The following MAL2 variants were observed in gnomAD, a reference collection of about 807,000 sequenced individuals.
The protein encoded by MAL2 is protein MAL2.
Under a neutral mutation model 18.1 loss-of-function variants are expected in MAL2, and 17 were observed. The ratio of observed to expected loss-of-function variants is 0.94; its 90% CI spans 0.64 to 1.41. The LOEUF (loss-of-function observed/expected upper bound fraction) is 1.41, where lower values mean the gene tolerates loss of function less well. Ranked by LOEUF, MAL2 falls within the 40% of genes most tolerant of loss-of-function variation. The probability of loss-of-function intolerance (pLI) is 0.00; values close to 1 mark genes in which losing one functional copy is unlikely to be tolerated. For synonymous variants in MAL2, 102 were observed against 102.3 expected (o/e 1.00, Z 0.02); for missense variants, 222 against 231.9 (o/e 0.96, Z 0.28).
chr8:119,216,504 C>T (rs2468192), intron 1 of MAL2, among the ~76,000 whole-genome samples: 132,500 of 152,156 alleles, frequency 0.87, 58,980 homozygotes, highest in Non-Finnish European at 0.96. Context: ...ACCCTTATAA[C>T]GGTGCTTATA....
intron 3 of MAL2, among the ~76,000 whole-genome samples, chr8:119,243,084 C>A (rs1343843858): frequency 6.6e-6 from 1 of 152,154 alleles, no homozygotes; most frequent in Non-Finnish European, 1.5e-5. Flanking sequence ...GAACTTCATG[C>A]TGAATTTTTA....
chr8:119,242,105 G>A (rs552759956), intron 3 of MAL2, among the ~76,000 whole-genome samples: 6 of 152,186 alleles, frequency 3.9e-5, no homozygotes, highest in African/African-American at 1.2e-4. Flanking sequence ...TCATTTTAAC[G>A]GTGCAGGCTA....
chr8:119,208,551 G>C lies in MAL2; in HGVS notation c.79G>C (p.Ala27Pro), dbSNP rs1426622526. ...CCCGCCGCCCCGGGTCACCCTGCCCGCCGGCCCCGACATCCTGCGGACCTA... is the reference window on the plus strand; with the variant it reads ...CCCGCCGCCCCGGGTCACCCTGCCCCCCGGCCCCGACATCCTGCGGACCTA... ...SFPPPRVTLP[A>P]GPDILRTYSG... The change falls in exon 1 of 4, where the codon GCC becomes CCC. Residue 27 changes from alanine to proline, a missense_variant. Ala to Pro is a conservative substitution (Grantham distance 27). Transcript: ENST00000614891. The surrounding 1 kb of genome is among the most constrained non-coding windows in gnomAD (Gnocchi z 4.3). 61 of 1,396,722 alleles carry C rather than the reference G, an allele frequency of 4.4e-5. No individual in the cohort carries two copies. Among genetic ancestry groups the C allele is most frequent in the Non-Finnish European group, 5.1e-5 (55 of 1,070,432 alleles). 86.5% of individuals were successfully genotyped at this position (1,396,722 alleles called of 1,614,324 possible).
In MAL2 at chr8:119,243,705, T is replaced by C. The variant is rs920334584; in HGVS notation, c.*217T>C. ...GGCCTTTTATTTTACATCTCTCCCCTTTTTCCCTTTCCCCCTTTATTTTCC... is the reference window on the plus strand; with the variant it reads ...GGCCTTTTATTTTACATCTCTCCCCCTTTTCCCTTTCCCCCTTTATTTTCC... On this transcript the variant is annotated 3_prime_UTR_variant, in exon 4 of 4. Transcript: ENST00000614891. 3.2e-5 allele frequency: 12 copies of C among 373,608 alleles called. No individual in the cohort carries two copies. Among genetic ancestry groups the C allele is most frequent in the African/African-American group, 1.3e-4 (6 of 47,872 alleles). 23.1% of individuals were successfully genotyped at this position (373,608 alleles called of 1,614,324 possible). A position where few individuals can be genotyped will look rare whatever the true frequency, so the allele number is the denominator to read the frequency against.
intron 1 of MAL2, among the ~76,000 whole-genome samples, chr8:119,217,129 CA>C (rs1277247605): frequency 1.3e-5 from 2 of 152,166 alleles, no homozygotes; most frequent in Non-Finnish European, 2.9e-5. Context: ...CTAGTGAAAA[CA>C]TGTCTTCACA....
chr8:119,238,236 G>C (rs982713380), intron 2 of MAL2, among the ~76,000 whole-genome samples: 3 of 152,062 alleles, frequency 2.0e-5, no homozygotes, highest in Non-Finnish European at 2.9e-5. Flanking sequence ...CAAGGGACAT[G>C]AAGGACCTCT....
chr8:119,225,070 A>T (rs112700190), intron 2 of MAL2, among the ~76,000 whole-genome samples: 1 of 151,772 alleles, frequency 6.6e-6, no homozygotes, highest in African/African-American at 2.4e-5. Context: ...TTTTTTTTTA[A>T]GATTAACTTT....
At chr8:119,231,021 AGTTTT>A (rs1404241353) in intron 2 of MAL2, among the ~76,000 whole-genome samples, 3 of 145,562 alleles carry the variant, frequency 2.1e-5, no homozygotes, top group African/African-American at 5.4e-5. Context: ...ATGTGAGAAC[AGTTTT>A]TTTTTTTATT....
At chr8:119,242,737 A>G (rs1037842230) in intron 3 of MAL2, among the ~76,000 whole-genome samples, 1 of 148,126 alleles carries the variant, frequency 6.8e-6, no homozygotes, top group African/African-American at 2.7e-5. Flanking sequence ...ACATTTATCA[A>G]ACATTTATCA....
intron 1 of MAL2, among the ~76,000 whole-genome samples, chr8:119,209,754 GC>G (rs1817242271): frequency 6.6e-6 from 1 of 152,088 alleles, no homozygotes; most frequent in African/African-American, 2.4e-5. Context: ...GTTAAGTTTA[GC>G]CCGGATTTGA....
chr8:119,234,311 C>T (rs1223379540), intron 2 of MAL2, among the ~76,000 whole-genome samples: 2 of 152,162 alleles, frequency 1.3e-5, no homozygotes, highest in African/African-American at 2.4e-5. Context: ...GGGTCCTATG[C>T]CCACGGAATC....
At chr8:119,231,226 G>T (rs1587134476) in intron 2 of MAL2, among the ~76,000 whole-genome samples, 2 of 152,070 alleles carry the variant, frequency 1.3e-5, no homozygotes, top group South Asian at 2.1e-4. Context: ...TAGAGACAGG[G>T]TTTCACTGTG....
At chr8:119,223,692 T>G (rs917719717) in intron 2 of MAL2, 1 of 152,212 alleles carries the variant, frequency 6.6e-6, no homozygotes, top group African/African-American at 2.4e-5. Context: ...ACAGCGTTGA[T>G]TGTATGGTAG....
chr8:119,221,775 T>G lies in MAL2; in HGVS notation c.303+18T>G, dbSNP rs768921645. ...ACTTCCTGGTAAGGACTTTTTATTT[T>G]AAGTCTATTGCAGGAAGATGGGAGA... is the stretch of plus-strand genomic sequence containing the variant. On this transcript the variant is annotated intron_variant, in intron 2 of 3. Coordinates refer to ENST00000614891, the MANE Select transcript of MAL2 (RefSeq NM_052886.3). The G allele has an allele frequency of 1.2e-4, 198 of 1,611,868 alleles. No homozygotes were observed. The highest frequency in any genetic ancestry group is 1.6e-4 in the Non-Finnish European group (185 of 1,178,704).
intron 2 of MAL2, among the ~76,000 whole-genome samples, chr8:119,227,647 T>G (rs2129840741): frequency 6.6e-6 from 1 of 152,330 alleles, no homozygotes; most frequent in Middle Eastern, 3.4e-3. Context: ...AAGTTCCTTC[T>G]TGATGGAAAA....
intron 2 of MAL2, among the ~76,000 whole-genome samples, chr8:119,226,255 G>A (rs1817593325): frequency 6.6e-6 from 1 of 151,918 alleles, no homozygotes; most frequent in South Asian, 2.1e-4. Context: ...TTTCTTCTAG[G>A]GTTTTTATGG....
At chr8:119,237,400 T>A (rs1817931251) in intron 2 of MAL2, among the ~76,000 whole-genome samples, 2 of 151,438 alleles carry the variant, frequency 1.3e-5, no homozygotes, top group Non-Finnish European at 2.9e-5. Context: ...ACTATTCCAA[T>A]CAATAGAAAA....
chr8:119,223,678 A>G (rs989927656), intron 2 of MAL2: 9 of 152,218 alleles, frequency 5.9e-5, no homozygotes, highest in Non-Finnish European at 7.3e-5. Flanking sequence ...GGTAATAGCA[A>G]TGCACAGCGT....
rs59481313 is a variant in MAL2 at position 119,224,821 on chromosome 8, A to G, written c.303+3064A>G. 6.4e-3 allele frequency among the ~76,000 whole-genome samples: 975 copies of G among 152,316 alleles called. 11 individuals carry two copies. Among genetic ancestry groups the G allele is most frequent in the African/African-American group, 0.022 (919 of 41,570 alleles). On this transcript the variant is annotated intron_variant, in intron 2 of 3. Transcript: ENST00000614891. ...TTGGTTTTCAAATAATAAGTGAGTT[A>G]CTTCATTTAGAATAACGGCCTCCAG...
Sources: gnomAD v4.1 joint callset for allele counts (sites outside exome capture counted in the v4.1 genomes callset) on GRCh38, gnomAD v4.1.1 for gene constraint, Gnocchi (gnomAD v3.1) non-coding constraint, MANE v1.5 for transcripts, NCBI Gene and HGNC (gene_info 2026-07-23, HGNC 2026-07-21) for gene names.